Variants in RFLNA observed in about 807,000 individuals in gnomAD.
The protein encoded by RFLNA is refilin-A.
A neutral mutation model predicts 7.8 loss-of-function variants in RFLNA; 5 were observed. That is an observed-to-expected ratio of 0.64 (90% CI 0.34 to 1.35). The LOEUF is 1.35. Ranked by LOEUF, RFLNA falls within the 40% of genes most tolerant of loss-of-function variation. The probability of loss-of-function intolerance (pLI) is 0.04; values close to 1 mark genes in which losing one functional copy is unlikely to be tolerated. For missense variants in RFLNA, 278 were observed against 305.5 expected (o/e 0.91, Z 0.67); for synonymous variants, 141 against 131.3 (o/e 1.07, Z -0.50).
Position 124,289,908 on chromosome 12 carries a change from T to TGTAC in RFLNA, c.-37+539_-37+542dup, listed in dbSNP as rs1236272107. 6.6e-6 allele frequency among the ~76,000 whole-genome samples: 1 copy of TGTAC among 152,134 alleles called. No individual in the cohort carries two copies. Among genetic ancestry groups the TGTAC allele is most frequent in the Non-Finnish European group, 1.5e-5 (1 of 68,004 alleles). On this transcript the variant is annotated intron_variant, in intron 1 of 2. Transcript: ENST00000324038. The surrounding 1 kb of genome is among the most constrained non-coding windows in gnomAD (Gnocchi z 5.0). ...GATGCAGAGTCCCAGGTCTCACGGT[T>TGTAC]GTACAGTCACCGGGACCTTCACTCT... is the stretch of plus-strand genomic sequence containing the variant.
chr12:124,290,101 C>T (rs977986196), upstream of RFLNA, among the ~76,000 whole-genome samples: 4 of 152,216 alleles, frequency 2.6e-5, no homozygotes, highest in African/African-American at 9.6e-5. This position sits in a 1 kb window ranked among gnomAD's most constrained non-coding sequence, Gnocchi z 4.0. Context: ...AGTGTTACTT[C>T]TGCATTCCCT....
intron 1 of RFLNA, among the ~76,000 whole-genome samples, chr12:124,310,720 C>G (rs1344316818): frequency 1.3e-5 from 2 of 152,092 alleles, no homozygotes; most frequent in Non-Finnish European, 2.9e-5. Context: ...TTGGGACAGA[C>G]TTTAAAACAG....
intron 1 of RFLNA, among the ~76,000 whole-genome samples, 200 bp downstream of exon 1, chr12:124,295,836 G>A (rs1303459055): frequency 6.6e-6 from 1 of 151,914 alleles, no homozygotes; most frequent in East Asian, 2.0e-4. Context: ...GCTGACCCCG[G>A]ACCTGGAGAC....
intron 2 of RFLNA, among the ~76,000 whole-genome samples, chr12:124,312,245 T>G (rs114570201): frequency 0.025 from 3,746 of 151,834 alleles, 66 homozygotes; most frequent in African/African-American, 0.051. Context: ...AAATCCAACC[T>G]CTCAGAAAAA....
In RFLNA at chr12:124,295,177, G is replaced by C. The variant is rs1258388944; in HGVS notation, c.-253G>C. ...CAGCGCAGAGGCGAGGCTGGGCCCG[G>C]CGGGCGGGAGCCGCGGAGGGCGGAG... On this transcript the variant is annotated 5_prime_UTR_variant, in exon 1 of 3. Coordinates refer to ENST00000546355, the MANE Select transcript of RFLNA (RefSeq NM_001365156.1). The C allele has an allele frequency of 2.7e-5, 4 of 149,780 alleles. No individual in the cohort carries two copies. Among genetic ancestry groups the C allele is most frequent in the African/African-American group, 9.7e-5 (4 of 41,096 alleles). 9.3% of individuals were successfully genotyped at this position (149,780 alleles called of 1,614,324 possible). A position where few individuals can be genotyped will look rare whatever the true frequency, so the allele number is the denominator to read the frequency against.
At chr12:124,300,966 GGATA>G (rs1447387668) in intron 1 of RFLNA, among the ~76,000 whole-genome samples, 3 of 152,082 alleles carry the variant, frequency 2.0e-5, no homozygotes, top group Admixed American at 6.5e-5. Flanking sequence ...ATTGATGGAT[GGATA>G]GATGGATGGA....
intron 1 of RFLNA, among the ~76,000 whole-genome samples, chr12:124,299,565 C>A (rs555316029): frequency 2.2e-3 from 335 of 152,342 alleles, no homozygotes; most frequent in Non-Finnish European, 4.2e-3. Context: ...CCTTTGCATC[C>A]TCATAGCTGA....
In RFLNA at chr12:124,307,983, C is replaced by CTTT. The variant is rs35040581; in HGVS notation, c.208-3821_208-3819dup. ...TCGTCCCTGTGCGTCTGTGTCCGCT[C>CTTT]TTTTTTTTTTTTTTTTGAGACAGAG... On this transcript the variant is annotated intron_variant, in intron 1 of 2. Coordinates refer to ENST00000546355, the MANE Select transcript of RFLNA (RefSeq NM_001365156.1). 5.3e-4 allele frequency among the ~76,000 whole-genome samples: 74 copies of CTTT among 138,374 alleles called. 1 individual carries two copies. The South Asian group carries it at 0.014, about 26-fold the overall frequency. 90.8% of individuals were successfully genotyped at this position (138,374 alleles called of 152,430 possible). A position where few individuals can be genotyped will look rare whatever the true frequency, so the allele number is the denominator to read the frequency against.
chr12:124,313,275 C>A (rs1166663061), intron 2 of RFLNA, among the ~76,000 whole-genome samples: 4 of 152,186 alleles, frequency 2.6e-5, no homozygotes, highest in Non-Finnish European at 2.9e-5. Flanking sequence ...AGCTTCCAGT[C>A]TGATTTCCTA....
Position 124,289,530 on chromosome 12 carries a change from A to T in RFLNA, c.-37+160A>T, listed in dbSNP as rs760898935. ...GACACGCACATACAAATGGCAGCAG[A>T]ACGTATGCCCAGGTCAAAGGCACTT... is the stretch of plus-strand genomic sequence containing the variant. On this transcript the variant is annotated intron_variant, in intron 1 of 2. Transcript: ENST00000324038. The surrounding 1 kb of genome is among the most constrained non-coding windows in gnomAD (Gnocchi z 5.0). 2.6e-5 allele frequency among the ~76,000 whole-genome samples: 4 copies of T among 152,188 alleles called. No individual in the cohort carries two copies. Among genetic ancestry groups the T allele is most frequent in the Non-Finnish European group, 5.9e-5 (4 of 68,040 alleles).
At chr12:124,295,047 G>A (rs934442215), upstream of RFLNA, among the ~76,000 whole-genome samples, 3 of 151,986 alleles carry the variant, frequency 2.0e-5, no homozygotes, top group African/African-American at 7.2e-5. Context: ...GAGAGGAAGG[G>A]GGAGGAGGAG....
In RFLNA at chr12:124,290,008, T is replaced by G. The variant is rs2135664564; in HGVS notation, c.-37+638T>G. 6.6e-6 allele frequency among the ~76,000 whole-genome samples: 1 copy of G among 152,206 alleles called. No individual in the cohort carries two copies. The highest frequency in any genetic ancestry group is 1.9e-4 in the East Asian group (1 of 5,198). On this transcript the variant is annotated intron_variant, in intron 1 of 2. Transcript: ENST00000324038. The surrounding 1 kb of genome is among the most constrained non-coding windows in gnomAD (Gnocchi z 4.0). ...GGAGCGTGTGATCAAGAAGCCACTC[T>G]TCTTGCCTCTGTTCTCGCCGCCCCT...
intron 1 of RFLNA, among the ~76,000 whole-genome samples, chr12:124,297,873 G>T (rs970962630): frequency 7.4e-6 from 1 of 134,256 alleles, no homozygotes; most frequent in Non-Finnish European, 1.6e-5. Flanking sequence ...GTTAACTCCC[G>T]CTAAACTTTG....
intron 1 of RFLNA, among the ~76,000 whole-genome samples, chr12:124,302,544 C>A (rs1226472659): frequency 1.3e-5 from 2 of 152,076 alleles, no homozygotes; most frequent in Non-Finnish European, 2.9e-5. Flanking sequence ...TCGAGAAAGA[C>A]CCACCCCTGC....
upstream of RFLNA, among the ~76,000 whole-genome samples, chr12:124,291,041 A>G (rs994435290): frequency 5.3e-5 from 8 of 151,994 alleles, no homozygotes; most frequent in Non-Finnish European, 8.8e-5. Context: ...GGTCACAGAA[A>G]AGCCTTGCAG....
At chr12:124,290,685 G>T (rs375744839), upstream of RFLNA, among the ~76,000 whole-genome samples, 196 of 152,294 alleles carry the variant, frequency 1.3e-3, 1 homozygote, top group Middle Eastern at 0.014. The surrounding 1 kb of genome is among the most constrained non-coding windows in gnomAD (Gnocchi z 4.0). Context: ...AGAGGCATGA[G>T]GTGTGGTGAT....
rs553234927 is a variant in RFLNA at position 124,306,351 on chromosome 12, C to G, written c.208-5467C>G. On this transcript the variant is annotated intron_variant, in intron 1 of 2. Coordinates refer to ENST00000546355, the MANE Select transcript of RFLNA (RefSeq NM_001365156.1). This position sits in a 1 kb window ranked among gnomAD's most constrained non-coding sequence, Gnocchi z 5.2. ...CTGAGTTGGCTCTCACCAGCCCAAG[C>G]GAGAAGCAGCCAGTGCAGCAGGGAA... Among the ~76,000 whole-genome samples the G allele has an allele frequency of 1.3e-5, 2 of 152,116 alleles. No homozygotes were observed. Among genetic ancestry groups the G allele is most frequent in the African/African-American group, 2.4e-5 (1 of 41,418 alleles).
chr12:124,312,069 T>C, intron 2 of RFLNA, 142 bp downstream of exon 2: 5 of 1,021,956 alleles, frequency 4.9e-6, no homozygotes, highest in Non-Finnish European at 6.7e-6. Context: ...CCCCTCTGGG[T>C]GCTGCTTCCT....
chr12:124,289,912 C>T lies in RFLNA; in HGVS notation c.-37+542C>T, dbSNP rs1352834643. On this transcript the variant is annotated intron_variant, in intron 1 of 2. Transcript: ENST00000324038. This position sits in a 1 kb window ranked among gnomAD's most constrained non-coding sequence, Gnocchi z 5.0. The stretch of plus-strand genomic sequence containing the variant: ...CAGAGTCCCAGGTCTCACGGTTGTA[C>T]AGTCACCGGGACCTTCACTCTGAAA... Among the ~76,000 whole-genome samples, 3 of 152,214 alleles carry T rather than the reference C, an allele frequency of 2.0e-5. No individual in the cohort carries two copies. The highest frequency in any genetic ancestry group is 4.4e-5 in the Non-Finnish European group (3 of 68,032).
Sources: gnomAD v4.1 joint callset for allele counts (sites outside exome capture counted in the v4.1 genomes callset) on GRCh38, gnomAD v4.1.1 for gene constraint, Gnocchi (gnomAD v3.1) non-coding constraint, MANE v1.5 for transcripts, NCBI Gene and HGNC (gene_info 2026-07-23, HGNC 2026-07-21) for gene names.